The following NRXN1 variants were observed in gnomAD, a reference collection of about 807,000 sequenced individuals.
NRXN1 encodes the protein neurexin 1, also known as neurexin-1.
In NRXN1, 39 loss-of-function variants were observed where a neutral mutation model predicts 150.9. That is an observed-to-expected ratio of 0.26 (90% CI 0.20 to 0.34). The LOEUF (loss-of-function observed/expected upper bound fraction) is 0.34. Ranked by LOEUF, NRXN1 falls within the 10% of genes least tolerant of loss-of-function variation. The probability of loss-of-function intolerance (pLI) is 1.00; values close to 1 mark genes in which losing one functional copy is unlikely to be tolerated. For missense variants in NRXN1, 1,815 were observed against 1,949.9 expected (o/e 0.93, Z 1.30); for synonymous variants, 924 against 757.0 (o/e 1.22, Z -3.62).
intron 17 of NRXN1, among the ~76,000 whole-genome samples, chr2:50,252,657 C>A (rs1051150738): frequency 6.6e-6 from 1 of 152,164 alleles, no homozygotes; most frequent in Non-Finnish European, 1.5e-5. Context: ...GTTTTCCCAA[C>A]ACCATTTATT....
chr2:50,133,178 T>G (rs916136925), intron 18 of NRXN1, among the ~76,000 whole-genome samples: 2 of 148,192 alleles, frequency 1.3e-5, no homozygotes, highest in Admixed American at 6.9e-5. Context: ...CAAATCCCCA[T>G]GTAGCTGGCT....
chr2:50,440,089 G>A (rs1382020490), intron 17 of NRXN1, among the ~76,000 whole-genome samples: 1 of 152,170 alleles, frequency 6.6e-6, no homozygotes, highest in Non-Finnish European at 1.5e-5. Flanking sequence ...TCATCCTCAA[G>A]AGTTGTCAGG....
chr2:50,700,315 TG>T (rs1693549870), intron 5 of NRXN1, among the ~76,000 whole-genome samples: 2 of 152,324 alleles, frequency 1.3e-5, no homozygotes, highest in South Asian at 4.1e-4. Flanking sequence ...GTCAAAGTGA[TG>T]GAGCACAACT....
chr2:50,596,571 A>G (rs1675241957), intron 8 of NRXN1, among the ~76,000 whole-genome samples: 1 of 152,212 alleles, frequency 6.6e-6, no homozygotes. Context: ...CCACTATTCC[A>G]CTGTGTCTAG....
intron 5 of NRXN1, among the ~76,000 whole-genome samples, chr2:50,648,763 A>C (rs570267987): frequency 1.6e-4 from 25 of 151,806 alleles, no homozygotes; most frequent in Non-Finnish European, 2.6e-4. Flanking sequence ...CATCACTTCT[A>C]CCCCATGCTT....
chr2:50,661,362 C>T (rs1401231446), intron 5 of NRXN1, among the ~76,000 whole-genome samples: 1 of 152,024 alleles, frequency 6.6e-6, no homozygotes, highest in African/African-American at 2.4e-5. Context: ...CTCACCTGAG[C>T]CTCAGTTTAA....
chr2:50,201,859 A>T (rs1465174726), intron 18 of NRXN1, among the ~76,000 whole-genome samples: 1 of 152,136 alleles, frequency 6.6e-6, no homozygotes, highest in Non-Finnish European at 1.5e-5. Flanking sequence ...GCACTTACAG[A>T]GCTAGCATCA....
Position 50,075,578 on chromosome 2 carries a change from T to C in NRXN1, c.3718+15745A>G, listed in dbSNP as rs991391532. The stretch of plus-strand genomic sequence containing the variant: ...ACTGCATATTACAGGAGGTGACAAA[T>C]GTTCCAGATTGCCTCAAATATCTTG... On this transcript the variant is annotated intron_variant, in intron 19 of 22. Transcript: ENST00000401669. 7.9e-5 allele frequency among the ~76,000 whole-genome samples: 12 copies of C among 152,308 alleles called. 1 individual carries two copies. The East Asian group carries it at 2.3e-3, about 29-fold the overall frequency.
At chr2:50,028,942 A>T (rs1688778225) in intron 21 of NRXN1, among the ~76,000 whole-genome samples, 1 of 152,162 alleles carries the variant, frequency 6.6e-6, no homozygotes, top group African/African-American at 2.4e-5. Context: ...CAAGATACAA[A>T]ATTTGTCTTC....
chr2:50,636,890 GAAAAT>G lies in NRXN1; in HGVS notation c.833-13280_833-13276del, dbSNP rs1394886786. On this transcript the variant is annotated intron_variant, in intron 5 of 22. Transcript: ENST00000401669. The stretch of plus-strand genomic sequence containing the variant: ...TCATATAATTGCAAATATACGCATA[GAAAAT>G]AAAATATTTTAAAAGAAAGCTAATA... Among the ~76,000 whole-genome samples the G allele has an allele frequency of 3.3e-5, 5 of 152,212 alleles. No individual in the cohort carries two copies. In the East Asian group the frequency reaches 5.8e-4, roughly 18 times the overall value.
At chr2:51,001,769 C>CA in intron 2 of NRXN1, among the ~76,000 whole-genome samples, 1 of 151,844 alleles carries the variant, frequency 6.6e-6, no homozygotes, top group Admixed American at 6.6e-5. Context: ...ATAATATCCC[C>CA]AAATATAACA....
chr2:50,716,689 T>C (rs2105086406), intron 5 of NRXN1, among the ~76,000 whole-genome samples: 1 of 152,246 alleles, frequency 6.6e-6, no homozygotes, highest in Admixed American at 6.5e-5. Context: ...AAAGAAATGG[T>C]TTATTCAATT....
chr2:51,025,082 AG>A (rs1670219134), intron 2 of NRXN1, among the ~76,000 whole-genome samples: 1 of 152,160 alleles, frequency 6.6e-6, no homozygotes, highest in Non-Finnish European at 1.5e-5. Flanking sequence ...CAATCCTTCT[AG>A]GAAGACTGAC....
intron 5 of NRXN1, among the ~76,000 whole-genome samples, chr2:50,651,131 A>G (rs1220361972): frequency 6.6e-6 from 1 of 152,038 alleles, no homozygotes; most frequent in African/African-American, 2.4e-5. Context: ...CCTTGAAATT[A>G]AGTTCTGGAA....
chr2:50,192,063 T>C (rs1246466481), intron 18 of NRXN1, among the ~76,000 whole-genome samples: 2 of 152,168 alleles, frequency 1.3e-5, no homozygotes, highest in Non-Finnish European at 2.9e-5. Context: ...TAAAATAGAA[T>C]GCAGCTTCTA....
At chr2:50,768,587 T>C (rs1702630142) in intron 5 of NRXN1, among the ~76,000 whole-genome samples, 1 of 151,752 alleles carries the variant, frequency 6.6e-6, no homozygotes, top group African/African-American at 2.4e-5. Context: ...GATTATAGGC[T>C]AATTAGGGTT....
chr2:50,530,573 C>T (rs1351939985), intron 11 of NRXN1, among the ~76,000 whole-genome samples: 1 of 152,060 alleles, frequency 6.6e-6, no homozygotes, highest in Non-Finnish European at 1.5e-5. Flanking sequence ...TTTCTTAATG[C>T]TACAATTAAG....
chr2:50,508,259 A>G (rs2092321642), intron 12 of NRXN1, among the ~76,000 whole-genome samples: 1 of 152,170 alleles, frequency 6.6e-6, no homozygotes, highest in Non-Finnish European at 1.5e-5. Flanking sequence ...TTGTATCTTT[A>G]GAGAAATTAA....
intron 17 of NRXN1, among the ~76,000 whole-genome samples, chr2:50,446,323 T>C (rs1220610999): frequency 6.6e-6 from 1 of 152,036 alleles, no homozygotes; most frequent in Non-Finnish European, 1.5e-5. Context: ...AGTTAACTCC[T>C]TACTTCCTTC....
Sources: gnomAD v4.1 joint callset for allele counts (sites outside exome capture counted in the v4.1 genomes callset) on GRCh38, gnomAD v4.1.1 for gene constraint, MANE v1.5 for transcripts, NCBI Gene and HGNC (gene_info 2026-07-23, HGNC 2026-07-21) for gene names.